The following DPP10 variants were observed in gnomAD, a reference collection of about 807,000 sequenced individuals.
The protein encoded by DPP10 is dipeptidyl peptidase like 10.
A neutral mutation model predicts 120.9 loss-of-function variants in DPP10; 33 were observed. The ratio of observed to expected loss-of-function variants is 0.27; its 90% CI spans 0.21 to 0.37. DPP10 has a LOEUF of 0.37. Ranked by LOEUF, DPP10 falls within the 10% of genes least tolerant of loss-of-function variation. The pLI is 1.00. For missense variants in DPP10, 816 were observed against 942.8 expected (o/e 0.87, Z 1.76); for synonymous variants, 337 against 326.1 (o/e 1.03, Z -0.36).
At chr2:115,007,685 C>A (rs1269910915) in intron 1 of DPP10, among the ~76,000 whole-genome samples, 2 of 151,810 alleles carry the variant, frequency 1.3e-5, no homozygotes, top group Admixed American at 1.3e-4. Flanking sequence ...ACCCCATTGT[C>A]TCAGCCCGAA....
chr2:115,532,800 T>TAATCA (rs1455717612), intron 5 of DPP10, among the ~76,000 whole-genome samples: 1 of 151,974 alleles, frequency 6.6e-6, no homozygotes, highest in Admixed American at 6.6e-5. Context: ...AGTATTTTGA[T>TAATCA]AGTCAACATA....
intron 7 of DPP10, among the ~76,000 whole-genome samples, chr2:115,724,161 A>G (rs180849289): frequency 2.4e-4 from 37 of 152,286 alleles, no homozygotes; most frequent in Admixed American, 1.2e-3. Context: ...GCTAATTTAT[A>G]TTGTAACTGC....
chr2:115,820,526 C>T (rs1687705455), intron 21 of DPP10, among the ~76,000 whole-genome samples: 1 of 151,588 alleles, frequency 6.6e-6, no homozygotes. Context: ...TTTAGGTGCA[C>T]CCATCAGCAG....
chr2:114,485,080 G>A (rs1681387306), intron 1 of DPP10, among the ~76,000 whole-genome samples: 1 of 152,108 alleles, frequency 6.6e-6, no homozygotes, highest in Admixed American at 6.6e-5. Flanking sequence ...TCTGTGGAGT[G>A]GGTTGGTAAA....
intron 1 of DPP10, among the ~76,000 whole-genome samples, chr2:114,610,022 A>G (rs564873934): frequency 1.4e-4 from 21 of 152,270 alleles, no homozygotes; most frequent in African/African-American, 5.1e-4. Context: ...AGAAAAGGCA[A>G]TGTTCGTATC....
chr2:115,602,712 G>GCACA (rs1413436687), intron 5 of DPP10, among the ~76,000 whole-genome samples: 2 of 152,122 alleles, frequency 1.3e-5, no homozygotes, highest in East Asian at 3.9e-4. Flanking sequence ...CTCACTCATG[G>GCACA]CACAGCCTGG....
At chr2:114,987,804 CT>C (rs59203543) in intron 1 of DPP10, among the ~76,000 whole-genome samples, 6 of 101,036 alleles carry the variant, frequency 5.9e-5, no homozygotes, top group Admixed American at 1.4e-4. Flanking sequence ...TGGAGACTGT[CT>C]TTTTTTTTTT....
chr2:115,597,446 A>C (rs1352627026), intron 5 of DPP10, among the ~76,000 whole-genome samples: 1 of 152,028 alleles, frequency 6.6e-6, no homozygotes, highest in South Asian at 2.1e-4. Context: ...TACCATGTAC[A>C]TAATTTAGAA....
At chr2:115,064,600 G>A in intron 1 of DPP10, 1 of 1,219,192 alleles carries the variant, frequency 8.2e-7, no homozygotes, top group South Asian at 1.5e-5. Flanking sequence ...ACATAGGTGG[G>A]CACTGACGTA....
chr2:115,583,196 C>T (rs2082097087), intron 5 of DPP10, among the ~76,000 whole-genome samples: 1 of 152,174 alleles, frequency 6.6e-6, no homozygotes, highest in South Asian at 2.1e-4. Flanking sequence ...GAAACAAGTT[C>T]CTTGACGGCT....
chr2:115,039,583 T>C (rs984876975), intron 1 of DPP10, among the ~76,000 whole-genome samples: 10 of 152,056 alleles, frequency 6.6e-5, no homozygotes, highest in Non-Finnish European at 1.3e-4. Flanking sequence ...CACATTTTTT[T>C]CCCTCAGTCA....
intron 1 of DPP10, among the ~76,000 whole-genome samples, chr2:114,942,340 C>CATATATAT: frequency 9.2e-6 from 1 of 108,340 alleles, no homozygotes; most frequent in Non-Finnish European, 1.7e-5. Context: ...TATATATATA[C>CATATATAT]GTATATATAC....
chr2:115,506,986 C>G lies in DPP10; in HGVS notation c.366+7382C>G, dbSNP rs1424321837. 2.0e-5 allele frequency among the ~76,000 whole-genome samples: 3 copies of G among 151,672 alleles called. No homozygotes were observed. In the East Asian group the frequency reaches 5.8e-4, roughly 29 times the overall value. On this transcript the variant is annotated intron_variant, in intron 4 of 25. Coordinates refer to ENST00000410059, the MANE Select transcript of DPP10 (RefSeq NM_020868.6). Reference sequence around the variant, plus strand: ...TTCAATTATTGTTGAAATATTGCCTCGTGAACAAAGGATAACAACCTTGGC... The same window carrying G: ...TTCAATTATTGTTGAAATATTGCCTGGTGAACAAAGGATAACAACCTTGGC...
intron 1 of DPP10, among the ~76,000 whole-genome samples, chr2:114,966,380 T>C (rs1699033250): frequency 6.6e-6 from 1 of 152,156 alleles, no homozygotes; most frequent in African/African-American, 2.4e-5. Context: ...TGCACTCCAG[T>C]GAAGGGGTTA....
At chr2:114,794,903 T>A (rs1262866051) in intron 1 of DPP10, among the ~76,000 whole-genome samples, 2 of 152,226 alleles carry the variant, frequency 1.3e-5, no homozygotes, top group Admixed American at 6.5e-5. Flanking sequence ...TGTCAAGGAA[T>A]GATAGTGTAA....
intron 1 of DPP10, among the ~76,000 whole-genome samples, chr2:114,569,334 C>T (rs1397281695): frequency 6.6e-6 from 1 of 152,206 alleles, no homozygotes; most frequent in Non-Finnish European, 1.5e-5. Context: ...GCTGCTAAGT[C>T]ATTCCCCGAG....
intron 1 of DPP10, among the ~76,000 whole-genome samples, chr2:114,733,001 G>A (rs1677063876): frequency 6.6e-6 from 1 of 152,158 alleles, no homozygotes; most frequent in South Asian, 2.1e-4. Flanking sequence ...CTGCCTTCAA[G>A]CTAGAGAGAA....
At chr2:114,511,207 CTCT>C (rs1168715056) in intron 1 of DPP10, among the ~76,000 whole-genome samples, 1 of 152,204 alleles carries the variant, frequency 6.6e-6, no homozygotes, top group Non-Finnish European at 1.5e-5. Flanking sequence ...CTACTTTACA[CTCT>C]GCATACAAAA....
chr2:115,449,004 G>T (rs2072869494), intron 3 of DPP10, among the ~76,000 whole-genome samples: 1 of 152,034 alleles, frequency 6.6e-6, no homozygotes, highest in Non-Finnish European at 1.5e-5. Context: ...ATAAATATTT[G>T]TTGAATGAAT....
Sources: gnomAD v4.1 joint callset for allele counts (sites outside exome capture counted in the v4.1 genomes callset) on GRCh38, gnomAD v4.1.1 for gene constraint, MANE v1.5 for transcripts, NCBI Gene and HGNC (gene_info 2026-07-23, HGNC 2026-07-21) for gene names.